The following MIA2 variants were observed in gnomAD, a reference collection of about 807,000 sequenced individuals.
MIA2 encodes the protein melanoma inhibitory activity protein 2.
MIA2 carries 127 observed loss-of-function variants against 167.8 expected under a neutral mutation model. That is an observed-to-expected ratio of 0.76 (90% CI 0.66 to 0.88). The LOEUF (loss-of-function observed/expected upper bound fraction) is 0.88. MIA2 is among the 40% of genes least tolerant of loss of function. The pLI is 0.00. For synonymous variants in MIA2, 552 were observed against 541.9 expected (o/e 1.02, Z -0.26); for missense variants, 1,690 against 1,624.7 (o/e 1.04, Z -0.69).
intron 2 of MIA2, 37 bp from the exon 3 acceptor site, chr14:39,240,524 A>T (rs751024654): frequency 3.3e-6 from 5 of 1,503,242 alleles, no homozygotes; most frequent in African/African-American, 1.4e-5. Context: ...TGCTTTGATC[A>T]TTCTTCCTCG....
At chr14:39,357,510 T>C (rs1212278877) in intron 23 of MIA2, among the ~76,000 whole-genome samples, 1 of 152,206 alleles carries the variant, frequency 6.6e-6, no homozygotes, top group African/African-American at 2.4e-5. Context: ...TCATTCAGTT[T>C]GCCAGTCTGT....
chr14:39,357,005 G>T (rs1428632317), intron 23 of MIA2, among the ~76,000 whole-genome samples: 8 of 152,116 alleles, frequency 5.3e-5, no homozygotes, highest in African/African-American at 9.7e-5. Context: ...GTGTGGTGTG[G>T]TGCTGAGAAG....
intron 23 of MIA2, among the ~76,000 whole-genome samples, chr14:39,357,838 C>G (rs952970678): frequency 6.6e-6 from 1 of 151,460 alleles, no homozygotes; most frequent in Non-Finnish European, 1.5e-5. Context: ...CTATGAAATT[C>G]TGGGTTGAAA....
downstream of MIA2, among the ~76,000 whole-genome samples, chr14:39,353,875 C>A (rs1422675962): frequency 6.6e-6 from 1 of 152,166 alleles, no homozygotes; most frequent in East Asian, 1.9e-4. Flanking sequence ...TCATCCATGT[C>A]CCTACAAAGG....
chr14:39,253,598 T>C (rs1786014608), intron 6 of MIA2: 2 of 173,444 alleles, frequency 1.2e-5, no homozygotes, highest in Admixed American at 1.2e-4. Context: ...GCCCAAGGGT[T>C]TGAGACCAGT....
chr14:39,347,668 A>C, intron 26 of MIA2, 45 bp from the exon 27 acceptor site: 1 of 1,591,526 alleles, frequency 6.3e-7, no homozygotes, highest in Non-Finnish European at 8.6e-7. Context: ...TCTAGGAATA[A>C]AGTGATAAAT....
intron 23 of MIA2, among the ~76,000 whole-genome samples, chr14:39,362,148 TG>T (rs1157608860): frequency 3.3e-5 from 5 of 152,236 alleles, no homozygotes; most frequent in Non-Finnish European, 5.9e-5. Context: ...CCTATAGTTT[TG>T]TTTTTTTGTT....
intron 9 of MIA2, among the ~76,000 whole-genome samples, chr14:39,287,413 C>A (rs963293494): frequency 6.6e-6 from 1 of 151,884 alleles, no homozygotes; most frequent in South Asian, 2.1e-4. Flanking sequence ...TGGTTGTGGG[C>A]ATCCTTGCTT....
chr14:39,321,341 T>G (rs2152971045), intron 24 of MIA2, among the ~76,000 whole-genome samples: 1 of 152,230 alleles, frequency 6.6e-6, no homozygotes, highest in Non-Finnish European at 1.5e-5. Context: ...TGAGATGGAG[T>G]CTTGCTCTTT....
intron 25 of MIA2, among the ~76,000 whole-genome samples, chr14:39,332,335 C>G (rs1242130074): frequency 6.6e-6 from 1 of 152,106 alleles, no homozygotes; most frequent in Non-Finnish European, 1.5e-5. Context: ...TTCCAGTTTG[C>G]AATTCCTCTA....
intron 24 of MIA2, among the ~76,000 whole-genome samples, chr14:39,325,569 T>G (rs143535055): frequency 0.015 from 2,234 of 150,296 alleles, 55 homozygotes; most frequent in African/African-American, 0.051. Context: ...GGGTTTCACC[T>G]TGTTAGCCAG....
At chr14:39,281,655 T>G (rs2058968163) in intron 9 of MIA2, among the ~76,000 whole-genome samples, 1 of 151,262 alleles carries the variant, frequency 6.6e-6, no homozygotes, top group South Asian at 2.1e-4. Flanking sequence ...TTTCCCCTGT[T>G]GCCCAGGCTG....
At chr14:39,348,642 G>A in intron 27 of MIA2, 101 bp from the exon 28 acceptor site, 1 of 1,486,120 alleles carries the variant, frequency 6.7e-7, no homozygotes, top group Non-Finnish European at 9.4e-7. Flanking sequence ...GACTATCATG[G>A]AATGCTTTCT....
At chr14:39,328,296 GC>G (rs1566941479) in intron 25 of MIA2, among the ~76,000 whole-genome samples, 1 of 152,038 alleles carries the variant, frequency 6.6e-6, no homozygotes, top group East Asian at 1.9e-4. Context: ...CATATCCTTC[GC>G]CCACTTTTTG....
intron 9 of MIA2, among the ~76,000 whole-genome samples, chr14:39,286,185 G>A (rs1306606838): frequency 6.6e-6 from 1 of 152,258 alleles, no homozygotes; most frequent in African/African-American, 2.4e-5. Flanking sequence ...GACTCCATCT[G>A]CAATCCCGGC....
chr14:39,362,784 T>G (rs1037188106), intron 23 of MIA2, among the ~76,000 whole-genome samples: 1 of 152,150 alleles, frequency 6.6e-6, no homozygotes, highest in Non-Finnish European at 1.5e-5. Flanking sequence ...TGTGTGAAAT[T>G]TTCCTACTAC....
In MIA2 at chr14:39,308,645, TGTTACATA is replaced by T. The variant is rs1437649078; in HGVS notation, c.3017+63_3017+70del. On this transcript the variant is annotated intron_variant, in intron 18 of 28. Transcript: ENST00000640607. The stretch of plus-strand genomic sequence containing the variant: ...CAAGTAAAATAGCTTTAGAGATATA[TGTTACATA>T]GTTAGCTATAGTGATTATTGAAAGT... 2.3e-6 allele frequency: 3 copies of T among 1,278,952 alleles called. No homozygotes were observed. The Admixed American group carries it at 7.9e-5, about 34-fold the overall frequency. The allele number at this position is 1,278,952 out of a possible 1,614,324, so 79.2% of individuals were successfully genotyped here.
intron 10 of MIA2, among the ~76,000 whole-genome samples, chr14:39,292,142 T>C (rs1486145105): frequency 6.6e-6 from 1 of 152,262 alleles, no homozygotes; most frequent in Non-Finnish European, 1.5e-5. Context: ...GTTGAAATTA[T>C]ATTTTATTTG....
At chr14:39,307,654 C>T (rs1229777613) in intron 17 of MIA2, among the ~76,000 whole-genome samples, 1 of 152,058 alleles carries the variant, frequency 6.6e-6, no homozygotes, top group Non-Finnish European at 1.5e-5. Context: ...CCCCCTTCGG[C>T]CTTCCAAAGT....
Sources: allele counts gnomAD v4.1 joint callset (sites outside exome capture counted in the v4.1 genomes callset), GRCh38; gene constraint gnomAD v4.1.1; transcripts MANE v1.5; gene names NCBI Gene and HGNC (gene_info 2026-07-23, HGNC 2026-07-21).